CLSTN2: variants seen among roughly 807,000 people sequenced by gnomAD.
CLSTN2 encodes calsyntenin 2.
Under a neutral mutation model 101.2 loss-of-function variants are expected in CLSTN2, and 48 were observed. The observed-to-expected ratio is 0.47, with a 90% CI of 0.38 to 0.60. CLSTN2 has a LOEUF of 0.60. Among genes scored for constraint, CLSTN2 ranks in the 20% least tolerant of loss-of-function variants. The probability of loss-of-function intolerance (pLI) is 0.00; values close to 1 mark genes in which losing one functional copy is unlikely to be tolerated. For missense variants in CLSTN2, 1,160 were observed against 1,238.2 expected, an observed-to-expected ratio of 0.94 and a Z score of 0.95; for synonymous variants, 481 against 463.6, an observed-to-expected ratio of 1.04 and a Z score of -0.48.
chr3:140,525,899 C>A (rs1331340325), intron 8 of CLSTN2, among the ~76,000 whole-genome samples: 1 of 152,072 alleles, frequency 6.6e-6, no homozygotes, highest in East Asian at 1.9e-4. Context: ...CTTCAACAAA[C>A]TAGGCATCAA....
intron 1 of CLSTN2, among the ~76,000 whole-genome samples, chr3:140,011,750 A>T (rs1244595280): frequency 6.6e-6 from 1 of 151,804 alleles, no homozygotes; most frequent in South Asian, 2.1e-4. Context: ...GTGACCTTGC[A>T]TGAGAGTTTT....
intron 2 of CLSTN2, among the ~76,000 whole-genome samples, chr3:140,188,111 G>A (rs933572613): frequency 1.3e-5 from 2 of 152,154 alleles, no homozygotes; most frequent in African/African-American, 2.4e-5. Context: ...AATCCATTTT[G>A]TGTTTCTAGC....
At position 140,395,567 on chromosome 3, in the gene CLSTN2, G is replaced by A. The variant is rs868735319; in HGVS notation, c.233-8062G>A. Among the ~76,000 whole-genome samples, 13 of 152,266 alleles carry A rather than the reference G, an allele frequency of 8.5e-5. No homozygotes were observed. In the East Asian group the frequency reaches 1.4e-3, roughly 16 times the overall value. On this transcript the variant is annotated intron_variant, in intron 2 of 16. Coordinates refer to ENST00000458420, the MANE Select transcript of CLSTN2 (RefSeq NM_022131.3). ...CCAGATGTGTGAAGAAACACCCTAC[G>A]TAACATCCTGCAAATGTTTCCCTTT... is the stretch of plus-strand genomic sequence containing the variant.
At position 140,418,493 on chromosome 3, in the gene CLSTN2, C is replaced by A. The variant is rs1233135934; in HGVS notation, c.638-2632C>A. Among the ~76,000 whole-genome samples, 2 of 113,990 alleles carry A rather than the reference C, an allele frequency of 1.8e-5. 1 individual carries two copies. The highest frequency in any genetic ancestry group is 3.4e-5 in the Non-Finnish European group (2 of 59,226). 74.8% of individuals were successfully genotyped at this position (113,990 alleles called of 152,430 possible). Reference sequence around the variant, plus strand: ...GATAGCAGAATAGATTATTCTAGTTCTTTCTTTCTTTCTTTCTTTCTTTCT... The same window carrying A: ...GATAGCAGAATAGATTATTCTAGTTATTTCTTTCTTTCTTTCTTTCTTTCT... On this transcript the variant is annotated intron_variant, in intron 4 of 16. Transcript: ENST00000458420.
chr3:140,225,415 G>A (rs1379055406), intron 2 of CLSTN2, among the ~76,000 whole-genome samples: 2 of 152,180 alleles, frequency 1.3e-5, no homozygotes, highest in Admixed American at 1.3e-4. Context: ...TCTTATTACA[G>A]AGACAATTTA....
chr3:140,466,754 G>C, intron 8 of CLSTN2, 23 bp downstream of exon 8: 1 of 1,613,504 alleles, frequency 6.2e-7, no homozygotes, highest in Non-Finnish European at 8.5e-7. Flanking sequence ...CCTCACACCT[G>C]CTGCTACTCA....
At chr3:140,373,128 A>C (rs560255603) in intron 2 of CLSTN2, among the ~76,000 whole-genome samples, 13 of 152,362 alleles carry the variant, frequency 8.5e-5, no homozygotes, top group Admixed American at 4.6e-4. Flanking sequence ...TCTTGCAGTT[A>C]AGAAACCTGT....
At chr3:139,982,510 C>G (rs935010713) in intron 1 of CLSTN2, among the ~76,000 whole-genome samples, 3 of 152,060 alleles carry the variant, frequency 2.0e-5, no homozygotes, top group African/African-American at 7.2e-5. Context: ...AAACAAGGCT[C>G]AGAGAGGCTT....
intron 2 of CLSTN2, among the ~76,000 whole-genome samples, chr3:140,305,081 TTCTC>T (rs1022977111): frequency 8.3e-5 from 12 of 143,784 alleles, no homozygotes; most frequent in Middle Eastern, 3.7e-3. Flanking sequence ...CTGTCTCTCT[TTCTC>T]TCTCTCTCTC....
At chr3:140,545,808 G>A (rs1020710831) in intron 9 of CLSTN2, among the ~76,000 whole-genome samples, 6 of 152,188 alleles carry the variant, frequency 3.9e-5, no homozygotes, top group Non-Finnish European at 8.8e-5. Context: ...GAGTATGACA[G>A]TAAAAGAAAG....
At chr3:140,522,510 GT>G (rs1251646108) in intron 8 of CLSTN2, among the ~76,000 whole-genome samples, 39 of 152,192 alleles carry the variant, frequency 2.6e-4, no homozygotes, top group Admixed American at 2.6e-3. Flanking sequence ...GGCTTTTGCA[GT>G]TCTGTCCATT....
At position 140,566,050 on chromosome 3, in the gene CLSTN2, C is replaced by G; in HGVS notation, c.2668-3C>G. 6.2e-7 allele frequency: 1 copy of G among 1,613,970 alleles called. No homozygotes were observed. The highest frequency in any genetic ancestry group is 8.5e-7 in the Non-Finnish European group (1 of 1,179,942). ...GCATTTGCTTTTTCTCCTTGATATC[C>G]AGAAACATGAAGGACCAGGGCATGG... On this transcript the variant is annotated splice_polypyrimidine_tract_variant and splice_region_variant and intron_variant, in intron 16 of 16. Transcript: ENST00000458420.
At chr3:140,124,928 G>A (rs1400148031) in intron 1 of CLSTN2, among the ~76,000 whole-genome samples, 2 of 152,164 alleles carry the variant, frequency 1.3e-5, no homozygotes, top group African/African-American at 4.8e-5. Flanking sequence ...AGGAGACAGG[G>A]GCTAGGGCCA....
At chr3:140,145,584 G>A (rs1224056728) in intron 1 of CLSTN2, among the ~76,000 whole-genome samples, 1 of 152,230 alleles carries the variant, frequency 6.6e-6, no homozygotes, top group Non-Finnish European at 1.5e-5. Flanking sequence ...ACTGGTGTGT[G>A]GTGGGAAATT....
chr3:140,094,882 C>T (rs534134177), intron 1 of CLSTN2, among the ~76,000 whole-genome samples: 24 of 152,304 alleles, frequency 1.6e-4, no homozygotes, highest in African/African-American at 1.9e-4. Flanking sequence ...ACTGACTTTC[C>T]GTAAATTACG....
intron 1 of CLSTN2, among the ~76,000 whole-genome samples, chr3:140,173,329 C>T (rs116445240): frequency 0.013 from 1,918 of 152,348 alleles, 39 homozygotes; most frequent in African/African-American, 0.043. Flanking sequence ...CACCCTGATG[C>T]AAGAGGTAGG....
chr3:139,961,523 A>C (rs968638907), intron 1 of CLSTN2, among the ~76,000 whole-genome samples: 1 of 152,186 alleles, frequency 6.6e-6, no homozygotes, highest in Non-Finnish European at 1.5e-5. Flanking sequence ...AAAATGAGTG[A>C]TGTTGATCTG....
intron 2 of CLSTN2, among the ~76,000 whole-genome samples, chr3:140,224,946 C>T (rs1390312019): frequency 6.6e-6 from 1 of 152,224 alleles, no homozygotes; most frequent in East Asian, 1.9e-4. Flanking sequence ...CTAAGCCAAG[C>T]AACCCAAGGA....
intron 7 of CLSTN2, chr3:140,462,700 C>T (rs999703012): frequency 7.9e-5 from 12 of 152,128 alleles, no homozygotes; most frequent in African/African-American, 2.9e-4. Flanking sequence ...CAGTAGGTAA[C>T]ATTCTTTCCC....
Sources: gnomAD v4.1 joint callset for allele counts (sites outside exome capture counted in the v4.1 genomes callset) on GRCh38, gnomAD v4.1.1 for gene constraint, MANE v1.5 for transcripts, NCBI Gene and HGNC (gene_info 2026-07-23, HGNC 2026-07-21) for gene names.